Variants in PAK1 observed in about 807,000 individuals in gnomAD.
PAK1 encodes the protein p21 (RAC1) activated kinase 1.
In PAK1, 29 loss-of-function variants were observed where a neutral mutation model predicts 67.4. That is an observed-to-expected ratio of 0.43 (90% CI 0.32 to 0.59). The LOEUF is 0.59. Ranked by LOEUF, PAK1 falls within the 20% of genes least tolerant of loss-of-function variation. The probability of loss-of-function intolerance (pLI) is 0.07; values close to 1 mark genes in which losing one functional copy is unlikely to be tolerated. For synonymous variants in PAK1, 223 were observed against 237.4 expected (o/e 0.94, Z 0.56); for missense variants, 337 against 670.7 (o/e 0.50, Z 5.50).
At chr11:77,397,795 T>G (rs745651261) in intron 1 of PAK1, among the ~76,000 whole-genome samples, 2 of 152,192 alleles carry the variant, frequency 1.3e-5, no homozygotes, top group Non-Finnish European at 2.9e-5. Context: ...AAGGCTTCTT[T>G]GGAAGTCATC....
intron 13 of PAK1, 36 bp downstream of exon 13, chr11:77,336,050 G>T: frequency 1.4e-6 from 2 of 1,382,112 alleles, no homozygotes. Context: ...AGAGACAACA[G>T]CCCAAATAAC....
chr11:77,419,689 C>T (rs1337171135), intron 1 of PAK1, among the ~76,000 whole-genome samples: 3 of 152,122 alleles, frequency 2.0e-5, no homozygotes, highest in Non-Finnish European at 2.9e-5. Flanking sequence ...AATATGTGTA[C>T]TAAGTGGAAA....
intron 5 of PAK1, among the ~76,000 whole-genome samples, chr11:77,366,104 C>T (rs193068988): frequency 6.6e-6 from 1 of 152,054 alleles, no homozygotes; most frequent in East Asian, 1.9e-4. Flanking sequence ...AAATCTATAC[C>T]CAACAAAACT....
chr11:77,365,165 T>A (rs1455335269), intron 5 of PAK1, among the ~76,000 whole-genome samples: 2 of 148,840 alleles, frequency 1.3e-5, no homozygotes, highest in Non-Finnish European at 3.0e-5. Flanking sequence ...GGCAGGAGAA[T>A]CGCTTGAACT....
the PAK1 span, among the ~76,000 whole-genome samples, chr11:77,490,656 G>A: frequency 1.3e-5 from 2 of 152,160 alleles, no homozygotes; most frequent in Non-Finnish European, 2.9e-5. Context: ...GAACGGGCCA[G>A]GATGACAATG....
chr11:77,492,981 C>T, the PAK1 span, among the ~76,000 whole-genome samples: 1 of 152,180 alleles, frequency 6.6e-6, no homozygotes, highest in Non-Finnish European at 1.5e-5. Context: ...GTACAGCCTG[C>T]AGAACTGCGT....
Position 77,322,234 on chromosome 11 carries a change from G to C in PAK1, c.*1040C>G, listed in dbSNP as rs1938624843. The C allele has an allele frequency of 5.1e-6, 1 of 197,598 alleles. No homozygotes were observed. The highest frequency in any genetic ancestry group is 2.3e-5 in the African/African-American group (1 of 43,222). The allele number at this position is 197,598 out of a possible 1,614,324, so 12.2% of individuals were successfully genotyped here. On this transcript the variant is annotated 3_prime_UTR_variant, in exon 15 of 15. Transcript: ENST00000356341. ...AAGCATTTCCATTTGCAGAGAGCTT[G>C]GCCATGCATCTTAAAAACGGGGTCC...
At chr11:77,331,228 A>C (rs946423665) in intron 14 of PAK1, among the ~76,000 whole-genome samples, 1 of 152,164 alleles carries the variant, frequency 6.6e-6, no homozygotes, top group South Asian at 2.1e-4. Flanking sequence ...TCAGTGTGGC[A>C]ATTCCTCAGG....
intron 1 of PAK1, among the ~76,000 whole-genome samples, chr11:77,442,827 T>C (rs1000889968): frequency 8.5e-5 from 13 of 152,266 alleles, no homozygotes; most frequent in African/African-American, 2.6e-4. Flanking sequence ...CCAGCCGAAA[T>C]GAAACCCAAA....
intron 10 of PAK1, among the ~76,000 whole-genome samples, chr11:77,341,568 C>T (rs1943609721): frequency 6.6e-6 from 1 of 152,120 alleles, no homozygotes; most frequent in South Asian, 2.1e-4. Flanking sequence ...ATCACTCAAC[C>T]CTATTACACG....
chr11:77,404,283 T>C (rs1251878433), intron 1 of PAK1, among the ~76,000 whole-genome samples: 1 of 151,894 alleles, frequency 6.6e-6, no homozygotes. Flanking sequence ...TTTTTTTTTT[T>C]CTGAGATGGA....
chr11:77,432,459 A>G (rs766581182), intron 1 of PAK1, among the ~76,000 whole-genome samples: 1 of 152,144 alleles, frequency 6.6e-6, no homozygotes, highest in Admixed American at 6.6e-5. Flanking sequence ...AAAAAAAGAA[A>G]TAAAGAAAAG....
chr11:77,451,599 T>C (rs1956855608), intron 1 of PAK1, among the ~76,000 whole-genome samples: 2 of 150,884 alleles, frequency 1.3e-5, no homozygotes, highest in South Asian at 4.2e-4. Context: ...TGTCTTTTGT[T>C]TTTTTTTGTT....
Position 77,323,052 on chromosome 11 carries a change from G to C in PAK1, c.*222C>G, listed in dbSNP as rs1368321355. 6 of 806,336 alleles carry C rather than the reference G, an allele frequency of 7.4e-6. No individual in the cohort carries two copies. The highest frequency in any genetic ancestry group is 1.2e-5 in the Non-Finnish European group (6 of 481,692). 49.9% of individuals were successfully genotyped at this position (806,336 alleles called of 1,614,324 possible). A position where few individuals can be genotyped will look rare whatever the true frequency, so the allele number is the denominator to read the frequency against. On this transcript the variant is annotated 3_prime_UTR_variant, in exon 15 of 15. Coordinates refer to ENST00000356341, the MANE Select transcript of PAK1 (RefSeq NM_002576.5). ...CACCCTCATATCCATGAATTGGGAG[G>C]AAATTCCTTATTTAGAAATGGCCAT...
At chr11:77,428,584 A>AAAAAG (rs1955683175) in intron 1 of PAK1, among the ~76,000 whole-genome samples, 1 of 151,672 alleles carries the variant, frequency 6.6e-6, no homozygotes, top group South Asian at 2.1e-4. Context: ...AAAAAAAAAA[A>AAAAAG]AAAGTCTAGT....
At chr11:77,365,251 CAAAAAAA>C (rs1364090865) in intron 5 of PAK1, among the ~76,000 whole-genome samples, 1 of 45,528 alleles carries the variant, frequency 2.2e-5, no homozygotes, top group Non-Finnish European at 3.6e-5. Context: ...GACTCTGTCT[CAAAAAAA>C]AAAAAAAAAA....
intron 11 of PAK1, among the ~76,000 whole-genome samples, chr11:77,339,765 T>C (rs1046813995): frequency 2.0e-5 from 3 of 152,148 alleles, no homozygotes; most frequent in Admixed American, 6.5e-5. Flanking sequence ...TCATCTTCTA[T>C]GCTTCCCCTA....
At chr11:77,379,049 GAC>G (rs1159327020) in intron 4 of PAK1, 190 bp downstream of exon 4, 1 of 572,128 alleles carries the variant, frequency 1.7e-6, no homozygotes, top group Non-Finnish European at 3.1e-6. Flanking sequence ...CGTGTGCAGT[GAC>G]AGAGTGAAGA....
At chr11:77,359,346 T>C (rs1946464093) in intron 5 of PAK1, among the ~76,000 whole-genome samples, 1 of 152,172 alleles carries the variant, frequency 6.6e-6, no homozygotes, top group Admixed American at 6.5e-5. Context: ...TCTTATTCTA[T>C]GAATTTTTCT....
Sources: allele counts gnomAD v4.1 joint callset (sites outside exome capture counted in the v4.1 genomes callset), GRCh38; gene constraint gnomAD v4.1.1; transcripts MANE v1.5; gene names NCBI Gene and HGNC (gene_info 2026-07-23, HGNC 2026-07-21).